TEX261: variants seen among roughly 807,000 people sequenced by gnomAD.
The protein encoded by TEX261 is testis expressed 261, also known as protein TEX261.
TEX261 carries 13 observed loss-of-function variants against 25.1 expected under a neutral mutation model. That is an observed-to-expected ratio of 0.52 (90% confidence interval 0.34 to 0.82). The LOEUF is 0.82. TEX261 is among the 40% of genes least tolerant of loss of function. The probability of loss-of-function intolerance (pLI) is 0.02; values close to 1 mark genes in which losing one functional copy is unlikely to be tolerated. For synonymous variants in TEX261, 92 were observed against 97.8 expected (o/e 0.94, Z 0.35); for missense variants, 206 against 243.2 (o/e 0.85, Z 1.02).
chr2:70,994,830 C>A lies in TEX261; in HGVS notation c.-73G>T. ...CTTCGGCTCCGGCGACACACAGCCGCCACCGCCGCCGCCGCCGCCGCGTCC... is the reference window on the plus strand; with the variant it reads ...CTTCGGCTCCGGCGACACACAGCCGACACCGCCGCCGCCGCCGCCGCGTCC... On this transcript the variant is annotated 5_prime_UTR_variant, in exon 1 of 6. Transcript: ENST00000272438. 1 of 1,285,412 alleles carries A rather than the reference C, an allele frequency of 7.8e-7. No individual in the cohort carries two copies. Among genetic ancestry groups the A allele is most frequent in the Non-Finnish European group, 9.8e-7 (1 of 1,016,074 alleles). 79.6% of individuals were successfully genotyped at this position (1,285,412 alleles called of 1,614,324 possible). A position where few individuals can be genotyped will look rare whatever the true frequency, so the allele number is the denominator to read the frequency against.
chr2:70,989,709 C>A, intron 4 of TEX261, 40 bp downstream of exon 4: 1 of 1,385,664 alleles, frequency 7.2e-7, no homozygotes, highest in South Asian at 1.2e-5. Flanking sequence ...TTTTACTACC[C>A]TGTCCCTGTT....
rs1246540564 is a variant in TEX261, at chr2:70,986,071, G to C, written c.*2529C>G. On this transcript the variant is annotated 3_prime_UTR_variant, in exon 6 of 6. Coordinates refer to ENST00000272438, the MANE Select transcript of TEX261 (RefSeq NM_144582.3). ...AGTCTACTGGGGAGATGACCATTAG[G>C]CAGGCAAGTGAGCCCAGAGTGATCT... The C allele has an allele frequency of 2.0e-5, 3 of 152,290 alleles. No individual in the cohort carries two copies. The highest frequency in any genetic ancestry group is 7.2e-5 in the African/African-American group (3 of 41,460). 9.4% of individuals were successfully genotyped at this position (152,290 alleles called of 1,614,324 possible).
chr2:70,992,729 CA>C (rs556141517), intron 2 of TEX261, among the ~76,000 whole-genome samples: 252 of 119,596 alleles, frequency 2.1e-3, no homozygotes, highest in Middle Eastern at 4.6e-3. Flanking sequence ...AACTCCATCT[CA>C]AAAAAAAAAA....
rs1263683010 is a variant in TEX261, at chr2:70,987,285, A to C, written c.*1315T>G. The C allele has an allele frequency of 6.6e-6, 1 of 152,234 alleles. No individual in the cohort carries two copies. The highest frequency in any genetic ancestry group is 1.5e-5 in the Non-Finnish European group (1 of 68,060). The allele number at this position is 152,234 out of a possible 1,614,324, so 9.4% of individuals were successfully genotyped here. On this transcript the variant is annotated 3_prime_UTR_variant, in exon 6 of 6. Transcript: ENST00000272438. The stretch of plus-strand genomic sequence containing the variant: ...CTCTCAGGGAAAGGGGAAAGCTGGT[A>C]TTCTTAAGAGAAGGTAAATGCTAAA...
chr2:70,994,434 G>A (rs934347543), intron 1 of TEX261: 1 of 552,804 alleles, frequency 1.8e-6, no homozygotes, highest in Non-Finnish European at 3.1e-6. Context: ...CGCAGACGCG[G>A]GGGCGGCACT....
rs139087222 is a variant in TEX261, at chr2:70,992,113, C to T, written c.151-130G>A. 8.3e-4 allele frequency: 736 copies of T among 881,532 alleles called. 10 individuals are homozygous for T. The East Asian group carries it at 0.024, about 28-fold the overall frequency. 54.6% of individuals were successfully genotyped at this position (881,532 alleles called of 1,614,324 possible). On this transcript the variant is annotated intron_variant, in intron 2 of 5. Coordinates refer to ENST00000272438, the MANE Select transcript of TEX261 (RefSeq NM_144582.3). ...TCTCCTCATTTCACAGGTCTGGCCT[C>T]CCCAGCTAGGTTCTCTGCTCCCAAA...
intron 3 of TEX261, among the ~76,000 whole-genome samples, chr2:70,990,740 G>A (rs1348770595): frequency 6.6e-6 from 1 of 152,162 alleles, no homozygotes; most frequent in Admixed American, 6.5e-5. Flanking sequence ...ATAGTGCCTG[G>A]TGCCCACAAG....
In TEX261 at chr2:70,988,400, C is replaced by G; in HGVS notation, c.*200G>C. 1.7e-6 allele frequency: 1 copy of G among 571,576 alleles called. No individual in the cohort carries two copies. Among genetic ancestry groups the G allele is most frequent in the East Asian group, 2.9e-5 (1 of 33,962 alleles). The allele number at this position is 571,576 out of a possible 1,614,324, so 35.4% of individuals were successfully genotyped here. A position where few individuals can be genotyped will look rare whatever the true frequency, so the allele number is the denominator to read the frequency against. On this transcript the variant is annotated 3_prime_UTR_variant, in exon 6 of 6. Coordinates refer to ENST00000272438, the MANE Select transcript of TEX261 (RefSeq NM_144582.3). ...GCTCTGCCACCCTCCTTGGTGCCCT[C>G]TGAGGTTACAGCCTCTTGAAGCATC...
Position 70,988,924 on chromosome 2 carries a change from G to T in TEX261, c.466C>A (p.Gln156Lys). 6.2e-7 allele frequency: 1 copy of T among 1,614,012 alleles called. No homozygotes were observed. Among genetic ancestry groups the T allele is most frequent in the Non-Finnish European group, 8.5e-7 (1 of 1,179,960 alleles). Residue 156 changes from glutamine (Q) to lysine (K), a missense_variant, in exon 5 of 6, where the codon CAG (glutamine) becomes AAG (lysine). Physicochemically the swap from Gln to Lys is moderately conservative, Grantham distance 53 (BLOSUM62 1). Coordinates refer to ENST00000272438, the MANE Select transcript of TEX261 (RefSeq NM_144582.3). ...AGENVLPSTM[Q>K]PGDDVVSNYF... is the part of the protein sequence containing the mutation. ...ACAAATCCCTTCTCACCTCCTGGCT[G>T]CATGGTAGAGGGCAGGACGTTCTCC...
At chr2:70,992,981 C>T (rs1553425790) in intron 2 of TEX261, among the ~76,000 whole-genome samples, 1 of 152,206 alleles carries the variant, frequency 6.6e-6, no homozygotes, top group East Asian at 1.9e-4. Flanking sequence ...TGTGCCAACA[C>T]CCACAAGCTG....
intron 3 of TEX261, 51 bp downstream of exon 3, chr2:70,991,779 A>G (rs1553425640): frequency 6.3e-7 from 1 of 1,594,730 alleles, no homozygotes; most frequent in Non-Finnish European, 8.6e-7. Flanking sequence ...CAGGATGGAG[A>G]TGGGCACACC....
Position 70,991,813 on chromosome 2 carries a change from A to C in TEX261, c.304+17T>G. On this transcript the variant is annotated intron_variant, in intron 3 of 5. Transcript: ENST00000272438. ...CCCAACCACATCAGCTGCCTCCCCA[A>C]CTCTGTCCCCTCTCACCACACGACA... 1 of 1,611,268 alleles carries C rather than the reference A, an allele frequency of 6.2e-7. No individual in the cohort carries two copies. The highest frequency in any genetic ancestry group is 8.5e-7 in the Non-Finnish European group (1 of 1,178,838).
Position 70,988,583 on chromosome 2 carries a change from T to A in TEX261, c.*17A>T. 1 of 1,590,106 alleles carries A rather than the reference T, an allele frequency of 6.3e-7. No homozygotes were observed. The highest frequency in any genetic ancestry group is 8.6e-7 in the Non-Finnish European group (1 of 1,158,126). ...GACTCTCCTGATCTTGCCCCCCACA[T>A]CCTGCCTGCATGGGGGTCAGTATAT... is the stretch of plus-strand genomic sequence containing the variant. On this transcript the variant is annotated 3_prime_UTR_variant, in exon 6 of 6. Transcript: ENST00000272438.
intron 3 of TEX261, among the ~76,000 whole-genome samples, chr2:70,990,751 A>G (rs1670285933): frequency 6.6e-6 from 1 of 152,122 alleles, no homozygotes; most frequent in South Asian, 2.1e-4. Context: ...TGCCCACAAG[A>G]TCTTTTGGAA....
Position 70,988,972 on chromosome 2 carries a change from A to T in TEX261, c.418T>A (p.Phe140Ile), listed in dbSNP as rs1304246189. The T allele has an allele frequency of 2.5e-6, 4 of 1,614,012 alleles. No individual in the cohort carries two copies. The highest frequency in any genetic ancestry group is 1.7e-5 in the Admixed American group (1 of 59,982). Residue 140 changes from phenylalanine (F) to isoleucine (I), a missense_variant, in exon 5 of 6, where the codon TTT becomes ATT. Phe to Ile is a conservative substitution (Grantham distance 21, BLOSUM62 0). Transcript: ENST00000272438. ...TCCCCGGCCGAAAGTGACACAAAAA[A>T]CGCAAACGGAATTATCCACAGGCAG... is the stretch of plus-strand genomic sequence containing the variant. The part of the protein sequence containing the change: ...TFCLWIIPFA[F>I]FVSLSAGENV...
rs532077917 is a variant in TEX261, at chr2:70,994,832, ACCG to A, written c.-78_-76del. On this transcript the variant is annotated 5_prime_UTR_variant, in exon 1 of 6. Coordinates refer to ENST00000272438, the MANE Select transcript of TEX261 (RefSeq NM_144582.3). ...TCGGCTCCGGCGACACACAGCCGCC[ACCG>A]CCGCCGCCGCCGCCGCGTCCCCGCC... 2,347 of 1,248,676 alleles carry A rather than the reference ACCG, an allele frequency of 1.9e-3. No individual in the cohort carries two copies. The highest frequency in any genetic ancestry group is 5.4e-3 in the South Asian group (182 of 33,662). 77.3% of individuals were successfully genotyped at this position (1,248,676 alleles called of 1,614,324 possible). A position where few individuals can be genotyped will look rare whatever the true frequency, so the allele number is the denominator to read the frequency against.
chr2:70,993,138 C>A (rs1553425814), intron 2 of TEX261, among the ~76,000 whole-genome samples: 2 of 152,230 alleles, frequency 1.3e-5, no homozygotes, highest in African/African-American at 4.8e-5. Context: ...CTACCCCCAG[C>A]CTTTCCTGCA....
At position 70,993,733 on chromosome 2, in the gene TEX261, G is replaced by A. The variant is rs112546882; in HGVS notation, c.113C>T (p.Thr38Ile). 6.2e-7 allele frequency: 1 copy of A among 1,613,550 alleles called. No homozygotes were observed. Among genetic ancestry groups the A allele is most frequent in the Non-Finnish European group, 8.5e-7 (1 of 1,179,996 alleles). ...TTTTATGATCCTGCTGGTGGCCACT[G>A]TGTATTCTTCTATCAGTTCTGCCAG... ...YYLAELIEEY[T>I]VATSRIIKYM... Residue 38 changes from threonine (T) to isoleucine (I), a missense_variant, in exon 2 of 6, where the codon ACA (threonine) becomes ATA (isoleucine). Transcript: ENST00000272438.
At chr2:70,990,606 A>C (rs1670284137) in intron 3 of TEX261, among the ~76,000 whole-genome samples, 1 of 152,200 alleles carries the variant, frequency 6.6e-6, no homozygotes, top group Non-Finnish European at 1.5e-5. Context: ...CTGTCCCCTC[A>C]CACACACCTC....
Sources: gnomAD v4.1 joint callset for allele counts (sites outside exome capture counted in the v4.1 genomes callset) on GRCh38, gnomAD v4.1.1 for gene constraint, MANE v1.5 for transcripts, NCBI Gene and HGNC (gene_info 2026-07-23, HGNC 2026-07-21) for gene names.